The following RALB variants were observed in gnomAD, a reference collection of about 807,000 sequenced individuals.
RALB encodes RAS like proto-oncogene B, also known as ras-related protein Ral-B.
RALB carries 16 observed loss-of-function variants against 21.3 expected under a neutral mutation model. The ratio of observed to expected loss-of-function variants is 0.75; its 90% CI spans 0.51 to 1.14. RALB has a LOEUF of 1.14. Ranked by LOEUF, RALB falls within the 50% of genes most tolerant of loss-of-function variation. RALB has a pLI of 0.00. For missense variants in RALB, 161 were observed against 256.2 expected, an observed-to-expected ratio of 0.63 and a Z score of 2.54; for synonymous variants, 93 against 96.1, an observed-to-expected ratio of 0.97 and a Z score of 0.19.
chr2:120,284,501 T>G (rs957719396), intron 2 of RALB, among the ~76,000 whole-genome samples: 1 of 152,052 alleles, frequency 6.6e-6, no homozygotes, highest in African/African-American at 2.4e-5. Flanking sequence ...CAGGTTCAAG[T>G]GATTCTCCTG....
intron 3 of RALB, 24 bp from the exon 4 acceptor site, chr2:120,289,556 T>C: frequency 6.2e-7 from 1 of 1,606,772 alleles, no homozygotes; most frequent in South Asian, 1.1e-5. Flanking sequence ...TTTTAGCTGC[T>C]GTATTTTTGG....
chr2:120,288,976 C>T (rs574895096), intron 3 of RALB, among the ~76,000 whole-genome samples: 1 of 152,172 alleles, frequency 6.6e-6, no homozygotes, highest in Non-Finnish European at 1.5e-5. Context: ...ACAATATTCA[C>T]CTTTCCTACT....
chr2:120,240,244 G>A, intron 1 of RALB: 1 of 944,246 alleles, frequency 1.1e-6, no homozygotes. Context: ...CTTGCCTGGG[G>A]TCACACAGCA....
At chr2:120,280,781 C>G in intron 2 of RALB, 1 of 356,320 alleles carries the variant, frequency 2.8e-6, no homozygotes, top group Non-Finnish European at 5.4e-6. Flanking sequence ...GAACAAAAGA[C>G]ATTTTCATTA....
chr2:120,258,933 G>A (rs966505964), intron 1 of RALB, among the ~76,000 whole-genome samples: 26 of 151,882 alleles, frequency 1.7e-4, no homozygotes, highest in Admixed American at 9.8e-4. Flanking sequence ...GTTCAGATGT[G>A]TTCGGAGTTT....
At chr2:120,278,350 G>A (rs908581786) in intron 1 of RALB, among the ~76,000 whole-genome samples, 17 of 15,600 alleles carry the variant, frequency 1.1e-3, no homozygotes, top group African/African-American at 8.4e-3. Flanking sequence ...TTTGGTGACT[G>A]GGTGTCCTCT....
intron 2 of RALB, among the ~76,000 whole-genome samples, chr2:120,284,349 C>T (rs1042268358): frequency 3.3e-5 from 5 of 152,220 alleles, no homozygotes; most frequent in African/African-American, 1.2e-4. Context: ...TTTTAAATCA[C>T]AGCCTTATTA....
chr2:120,256,801 T>C (rs1689210522), intron 1 of RALB, among the ~76,000 whole-genome samples: 1 of 152,124 alleles, frequency 6.6e-6, no homozygotes, highest in Admixed American at 6.5e-5. Context: ...TGGCACAATG[T>C]GGGAAAGGAC....
rs73948795 is a variant in RALB, at chr2:120,291,276, A to T, written c.501+1519A>T. Among the ~76,000 whole-genome samples the T allele has an allele frequency of 7.3e-3, 1,119 of 152,344 alleles. 8 individuals are homozygous for T. The highest frequency in any genetic ancestry group is 0.026 in the African/African-American group (1,074 of 41,586). On this transcript the variant is annotated intron_variant, in intron 4 of 4. Transcript: ENST00000272519. ...TACAACCTAAGTCCGTTTAGTTGTA[A>T]TCTGCAATGGGAAGCGCGTGTTCCG...
chr2:120,289,500 T>C, intron 3 of RALB, 80 bp from the exon 4 acceptor site: 1 of 1,448,632 alleles, frequency 6.9e-7, no homozygotes, highest in Non-Finnish European at 9.5e-7. Context: ...TAGGAAAGCC[T>C]TTTATTTTAG....
Position 120,289,817 on chromosome 2 carries a change from A to C in RALB, c.501+60A>C, listed in dbSNP as rs1370656133. On this transcript the variant is annotated intron_variant, in intron 4 of 4. Transcript: ENST00000272519. The stretch of plus-strand genomic sequence containing the variant: ...ACCTGAGAAACAGCAGAATGGAGGC[A>C]TCTCATCTGCTGGGTTTTAGGGAAC... 5.4e-6 allele frequency: 8 copies of C among 1,469,880 alleles called. No homozygotes were observed. The Admixed American group carries it at 1.0e-4, about 19-fold the overall frequency. 91.1% of individuals were successfully genotyped at this position (1,469,880 alleles called of 1,614,324 possible).
At chr2:120,244,348 GGTTGGAGCTGCCGCTCAGCTCA>G (rs1230010498) in intron 1 of RALB, among the ~76,000 whole-genome samples, 1 of 150,842 alleles carries the variant, frequency 6.6e-6, no homozygotes, top group Admixed American at 6.5e-5. Flanking sequence ...AGGCAGCCTT[GGTTGGAGCTGCCGCTCAGCTCA>G]GTGGGAGCTG....
At chr2:120,292,045 T>A (rs1042456175) in intron 4 of RALB, among the ~76,000 whole-genome samples, 14 of 152,224 alleles carry the variant, frequency 9.2e-5, no homozygotes, top group African/African-American at 2.9e-4. Context: ...AGGATTCATA[T>A]TTTGTCTGCT....
chr2:120,258,311 T>A (rs926367473), intron 1 of RALB, among the ~76,000 whole-genome samples: 1 of 152,196 alleles, frequency 6.6e-6, no homozygotes, highest in African/African-American at 2.4e-5. Context: ...TGAAGGTCTT[T>A]CTCGAGTTTC....
At chr2:120,249,689 G>A (rs1046598210), upstream of RALB, among the ~76,000 whole-genome samples, 1 of 152,140 alleles carries the variant, frequency 6.6e-6, no homozygotes, top group Non-Finnish European at 1.5e-5. Context: ...ACCAGGCCCC[G>A]CCTCCAACAG....
At chr2:120,255,774 G>C (rs1689185659) in intron 1 of RALB, among the ~76,000 whole-genome samples, 2 of 152,320 alleles carry the variant, frequency 1.3e-5, no homozygotes, top group African/African-American at 4.8e-5. Flanking sequence ...TCTCCTGGCT[G>C]TTTTTGTTTT....
At chr2:120,267,119 A>T (rs1689523847) in intron 1 of RALB, among the ~76,000 whole-genome samples, 1 of 152,240 alleles carries the variant, frequency 6.6e-6, no homozygotes, top group Non-Finnish European at 1.5e-5. Flanking sequence ...GACCAGAAGC[A>T]GCCTCCTGCT....
chr2:120,269,061 A>AT (rs561850599), intron 1 of RALB, among the ~76,000 whole-genome samples: 2 of 152,224 alleles, frequency 1.3e-5, no homozygotes, highest in Non-Finnish European at 2.9e-5. Context: ...GTCAGTACAT[A>AT]TAGCACTTCT....
upstream of RALB, among the ~76,000 whole-genome samples, chr2:120,248,320 C>T (rs1382482871): frequency 6.6e-6 from 1 of 152,174 alleles, no homozygotes; most frequent in Non-Finnish European, 1.5e-5. Flanking sequence ...AAGCAAGTCT[C>T]CACTGCTGGC....
Sources: allele counts gnomAD v4.1 joint callset (sites outside exome capture counted in the v4.1 genomes callset), GRCh38; gene constraint gnomAD v4.1.1; transcripts MANE v1.5; gene names NCBI Gene and HGNC (gene_info 2026-07-23, HGNC 2026-07-21).